ELF2: variants seen among roughly 807,000 people sequenced by gnomAD.
ELF2 encodes E74 like ETS transcription factor 2, also known as ETS-related transcription factor Elf-2.
Under a neutral mutation model 54.8 loss-of-function variants are expected in ELF2, and 11 were observed. The observed-to-expected ratio is 0.20, with a 90% CI of 0.13 to 0.33. The LOEUF (loss-of-function observed/expected upper bound fraction) is 0.33. Ranked by LOEUF, ELF2 falls within the 10% of genes least tolerant of loss-of-function variation. ELF2 has a pLI of 1.00. For synonymous variants in ELF2, 203 were observed against 245.1 expected (o/e 0.83, Z 1.61); for missense variants, 513 against 703.0 (o/e 0.73, Z 3.06).
intron 1 of ELF2, among the ~76,000 whole-genome samples, chr4:139,140,980 G>A (rs920480719): frequency 3.9e-5 from 6 of 151,932 alleles, no homozygotes; most frequent in African/African-American, 1.5e-4. Flanking sequence ...GAATCCAATG[G>A]ATACATTTCT....
intron 4 of ELF2, chr4:139,084,459 C>CGGT: frequency 8.7e-7 from 1 of 1,150,612 alleles, no homozygotes; most frequent in South Asian, 3.6e-5. Context: ...GCGGCGGCGG[C>CGGT]GGCTGTGGCT....
In ELF2 at chr4:139,059,452, A is replaced by G. The variant is rs1294556954; in HGVS notation, c.1313T>C (p.Ile438Thr). 3.8e-5 allele frequency: 62 copies of G among 1,613,908 alleles called. No homozygotes were observed. Among genetic ancestry groups the G allele is most frequent in the Non-Finnish European group, 5.2e-5 (61 of 1,179,852 alleles). Reference sequence around the variant, plus strand: ...AGTAGAAGCTGGCATCACAGTAGGGATTGTCTGAATGACTACCTTTGGAGA... The same window carrying G: ...AGTAGAAGCTGGCATCACAGTAGGGGTTGTCTGAATGACTACCTTTGGAGA... ...ATSPKVVIQT[I>T]PTVMPASTEN... Residue 438 changes from isoleucine to threonine, a missense_variant, in exon 10 of 10, where the codon ATC (isoleucine) becomes ACC (threonine). Ile to Thr is a moderately conservative substitution (Grantham distance 89). Coordinates refer to ENST00000686138, the MANE Select transcript of ELF2 (RefSeq NM_001331036.3).
intron 4 of ELF2, among the ~76,000 whole-genome samples, chr4:139,120,403 C>T (rs1479007822): frequency 6.6e-6 from 1 of 152,150 alleles, no homozygotes; most frequent in Non-Finnish European, 1.5e-5. Flanking sequence ...TTTCCCCCTA[C>T]AATTAATCCT....
At chr4:139,125,124 G>A (rs1265254128) in intron 4 of ELF2, 40 bp downstream of exon 4, 3 of 1,573,426 alleles carry the variant, frequency 1.9e-6, no homozygotes, top group Non-Finnish European at 2.6e-6. Context: ...CTTACAAAAT[G>A]AGAAAGTTAT....
chr4:139,076,575 T>C (rs185482965), intron 4 of ELF2, among the ~76,000 whole-genome samples: 56 of 152,340 alleles, frequency 3.7e-4, no homozygotes, highest in African/African-American at 1.1e-3. Context: ...ACTAATTCCT[T>C]ATGTAATTGT....
At chr4:139,125,740 T>G in intron 3 of ELF2, among the ~76,000 whole-genome samples, 1 of 136,232 alleles carries the variant, frequency 7.3e-6, no homozygotes, top group Non-Finnish European at 1.5e-5. Context: ...GAGTATGGAG[T>G]GGGTTAGCAG....
chr4:139,074,970 G>A (rs1386177027), intron 4 of ELF2, among the ~76,000 whole-genome samples: 1 of 152,146 alleles, frequency 6.6e-6, no homozygotes, highest in Non-Finnish European at 1.5e-5. Context: ...AGGCAGAGGT[G>A]ACTAAAGATG....
chr4:139,094,330 C>T (rs1578777379), intron 4 of ELF2, among the ~76,000 whole-genome samples: 1 of 152,280 alleles, frequency 6.6e-6, no homozygotes, highest in Non-Finnish European at 1.5e-5. Flanking sequence ...GATACAGGAC[C>T]AAAGCCATCA....
At chr4:139,096,142 G>A (rs1399471162) in intron 4 of ELF2, among the ~76,000 whole-genome samples, 6 of 151,920 alleles carry the variant, frequency 3.9e-5, no homozygotes, top group Admixed American at 2.0e-4. Context: ...GTAGCTATGC[G>A]CATATATGAG....
At chr4:139,063,690 A>G (rs560292772) in intron 7 of ELF2, among the ~76,000 whole-genome samples, 5 of 152,338 alleles carry the variant, frequency 3.3e-5, no homozygotes, top group Admixed American at 1.3e-4. Flanking sequence ...TTGAAACAAT[A>G]TAAGATCTAT....
At chr4:139,104,702 AT>A (rs1734248398) in intron 4 of ELF2, among the ~76,000 whole-genome samples, 1 of 152,060 alleles carries the variant, frequency 6.6e-6, no homozygotes, top group African/African-American at 2.4e-5. Context: ...CTGATTTTTT[AT>A]GGTATTGTTA....
At chr4:139,095,152 T>A (rs1733113692) in intron 4 of ELF2, among the ~76,000 whole-genome samples, 1 of 152,080 alleles carries the variant, frequency 6.6e-6, no homozygotes, top group African/African-American at 2.4e-5. Flanking sequence ...AGCTGGCATC[T>A]TCTTTCTCCA....
At chr4:139,162,422 T>G (rs545558602) in intron 1 of ELF2, among the ~76,000 whole-genome samples, 9 of 151,842 alleles carry the variant, frequency 5.9e-5, no homozygotes, top group Non-Finnish European at 5.9e-5. Context: ...TCCCAGCTAC[T>G]CCGGAGGTTG....
chr4:139,176,963 TTA>T lies in ELF2; in HGVS notation c.-252+2_-252+3del, dbSNP rs1374213492. The T allele has an allele frequency of 6.6e-6, 1 of 152,034 alleles. No individual in the cohort carries two copies. The highest frequency in any genetic ancestry group is 2.4e-5 in the African/African-American group (1 of 41,394). 9.4% of individuals were successfully genotyped at this position (152,034 alleles called of 1,614,324 possible). On this transcript the variant is annotated splice_donor_variant and splice_donor_region_variant and intron_variant, in intron 1 of 9. Coordinates refer to ENST00000686138, the MANE Select transcript of ELF2 (RefSeq NM_001331036.3). LOFTEE classifies it low-confidence loss of function (5UTR_SPLICE). The stretch of plus-strand genomic sequence containing the variant: ...TCACCAGCCTCGGCTGCCCGCGCTC[TTA>T]CCTGCTCTCCGCGACGCCTGGGAAG...
At chr4:139,169,369 A>G (rs1463970097) in intron 1 of ELF2, among the ~76,000 whole-genome samples, 3 of 149,876 alleles carry the variant, frequency 2.0e-5, no homozygotes, top group South Asian at 2.1e-4. Flanking sequence ...AAAAAAAACT[A>G]TCACAAAAAA....
intron 9 of ELF2, among the ~76,000 whole-genome samples, 177 bp from the exon 10 acceptor site, chr4:139,059,784 TA>T (rs1727554420): frequency 6.6e-6 from 1 of 151,940 alleles, no homozygotes; most frequent in Non-Finnish European, 1.5e-5. Context: ...TTTTAAAAAC[TA>T]AAGCCTACAT....
intron 1 of ELF2, among the ~76,000 whole-genome samples, chr4:139,169,609 G>A (rs1023794715): frequency 6.6e-6 from 1 of 152,090 alleles, no homozygotes; most frequent in African/African-American, 2.4e-5. Flanking sequence ...TGTAATCCCA[G>A]CACTTTGGGA....
chr4:139,059,545 G>A lies in ELF2; in HGVS notation c.1220C>T (p.Thr407Ile). Residue 407 changes from threonine to isoleucine, a missense_variant, in exon 10 of 10, where the codon ACT becomes ATT. Around this residue, in one of 3 missense-constraint regions of ELF2, gnomAD observed 291 missense variants for 366.1 expected, o/e 0.79. Coordinates refer to ENST00000686138, the MANE Select transcript of ELF2 (RefSeq NM_001331036.3). Reference protein sequence around the residue: ...VMTSLGQKISTVAVQSVNAGA... With the variant: ...VMTSLGQKISIVAVQSVNAGA... ...TGCATTAACTGACTGAACTGCCACA[G>A]TTGAAATTTTCTGACCCAATGATGT... The A allele has an allele frequency of 1.2e-6, 2 of 1,613,740 alleles. No individual in the cohort carries two copies. Among genetic ancestry groups the A allele is most frequent in the South Asian group, 2.2e-5 (2 of 91,078 alleles).
chr4:139,117,530 T>C (rs903845765), intron 4 of ELF2, among the ~76,000 whole-genome samples: 2 of 151,186 alleles, frequency 1.3e-5, no homozygotes, highest in African/African-American at 4.9e-5. Context: ...CCCGTCTCTA[T>C]CAAAAACACA....
Sources: gnomAD v4.1 joint callset for allele counts (sites outside exome capture counted in the v4.1 genomes callset) on GRCh38, gnomAD v4.1.1 for gene constraint, gnomAD v4.1.1 regional missense constraint, MANE v1.5 for transcripts, NCBI Gene and HGNC (gene_info 2026-07-23, HGNC 2026-07-21) for gene names.